AP1AR: variants seen among roughly 807,000 people sequenced by gnomAD.
AP1AR encodes adaptor related protein complex 1 associated regulatory protein.
A neutral mutation model predicts 46.3 loss-of-function variants in AP1AR; 29 were observed. The ratio of observed to expected loss-of-function variants is 0.63; its 90% CI spans 0.47 to 0.85. The LOEUF is 0.85. Among genes scored for constraint, AP1AR ranks in the 40% least tolerant of loss-of-function variants. The probability of loss-of-function intolerance (pLI) is 0.00; values close to 1 mark genes in which losing one functional copy is unlikely to be tolerated. For missense variants in AP1AR, 357 were observed against 356.3 expected (o/e 1.00, Z -0.02); for synonymous variants, 122 against 122.9 (o/e 0.99, Z 0.05).
chr4:112,269,646 C>T lies in AP1AR; in HGVS notation c.*1237C>T, dbSNP rs1467486101. 1 of 150,718 alleles carries T rather than the reference C, an allele frequency of 6.6e-6. No individual in the cohort carries two copies. Among genetic ancestry groups the T allele is most frequent in the African/African-American group, 2.4e-5 (1 of 40,930 alleles). 9.3% of individuals were successfully genotyped at this position (150,718 alleles called of 1,614,324 possible). Reference sequence around the variant, plus strand: ...AGGAAGGTCCAGATATAAATAGTAACCTAAAGTTCTTGCTGTGCTTAAAAA... The same window carrying T: ...AGGAAGGTCCAGATATAAATAGTAATCTAAAGTTCTTGCTGTGCTTAAAAA... On this transcript the variant is annotated 3_prime_UTR_variant, in exon 10 of 10. Coordinates refer to ENST00000274000, the MANE Select transcript of AP1AR (RefSeq NM_018569.6).
intron 1 of AP1AR, among the ~76,000 whole-genome samples, chr4:112,245,506 G>A (rs918447898): frequency 6.6e-6 from 1 of 152,126 alleles, no homozygotes; most frequent in Non-Finnish European, 1.5e-5. Context: ...TTTGTACTAA[G>A]TCCTCAAAAT....
At chr4:112,237,742 A>G (rs1221515970) in intron 1 of AP1AR, among the ~76,000 whole-genome samples, 1 of 152,160 alleles carries the variant, frequency 6.6e-6, no homozygotes, top group Non-Finnish European at 1.5e-5. Flanking sequence ...TACAGTTGTG[A>G]GCCACTGCGC....
At chr4:112,248,135 A>G (rs898672311) in intron 1 of AP1AR, among the ~76,000 whole-genome samples, 1 of 152,238 alleles carries the variant, frequency 6.6e-6, no homozygotes, top group Non-Finnish European at 1.5e-5. Flanking sequence ...TACCAAGAGG[A>G]AAAATATCAG....
chr4:112,261,118 C>A (rs1726423944), intron 5 of AP1AR, among the ~76,000 whole-genome samples: 2 of 152,180 alleles, frequency 1.3e-5, no homozygotes, highest in Admixed American at 6.5e-5. Flanking sequence ...AGTAGGAACT[C>A]TGGCAAGAAT....
intron 2 of AP1AR, 130 bp from the exon 3 acceptor site, chr4:112,254,617 G>A: frequency 2.0e-6 from 1 of 506,398 alleles, no homozygotes. Flanking sequence ...GTATTAAAGA[G>A]GCATTTGAAT....
Position 112,272,044 on chromosome 4 carries a change from G to C in AP1AR, c.*3635G>C, listed in dbSNP as rs532215339. On this transcript the variant is annotated 3_prime_UTR_variant, in exon 10 of 10. Transcript: ENST00000274000. ...TAGCAAATGCTTTGAAAAGAGGTCCGCTGCTTTAGTTGCATTTGGAGACAG... is the reference window on the plus strand; with the variant it reads ...TAGCAAATGCTTTGAAAAGAGGTCCCCTGCTTTAGTTGCATTTGGAGACAG... Among the ~76,000 whole-genome samples, 14 of 152,138 alleles carry C rather than the reference G, an allele frequency of 9.2e-5. No homozygotes were observed. Among genetic ancestry groups the C allele is most frequent in the Admixed American group, 8.5e-4 (13 of 15,264 alleles).
At position 112,253,264 on chromosome 4, in the gene AP1AR, G is replaced by C; in HGVS notation, c.132+8G>C. ...GAGCACTTAACAATAGAGGTAAGTAGTCCTTAATTTGATTGAATTAAAAAT... is the reference window on the plus strand; with the variant it reads ...GAGCACTTAACAATAGAGGTAAGTACTCCTTAATTTGATTGAATTAAAAAT... On this transcript the variant is annotated splice_region_variant and intron_variant, in intron 2 of 9. Coordinates refer to ENST00000274000, the MANE Select transcript of AP1AR (RefSeq NM_018569.6). 1 of 1,605,254 alleles carries C rather than the reference G, an allele frequency of 6.2e-7. No individual in the cohort carries two copies. Among genetic ancestry groups the C allele is most frequent in the South Asian group, 1.1e-5 (1 of 90,068 alleles).
At chr4:112,260,974 T>C in intron 5 of AP1AR, 112 bp downstream of exon 5, 2 of 556,778 alleles carry the variant, frequency 3.6e-6, no homozygotes, top group Non-Finnish European at 5.8e-6. Flanking sequence ...TACAGATGAA[T>C]CTGTTTTAAG....
intron 6 of AP1AR, 117 bp downstream of exon 6, chr4:112,263,203 T>C (rs1183203368): frequency 1.4e-6 from 1 of 726,960 alleles, no homozygotes; most frequent in African/African-American, 1.8e-5. Flanking sequence ...TAACAACGAA[T>C]GTGTTTACCC....
rs553972549 is a variant in AP1AR at position 112,236,692 on chromosome 4, C to T, written c.83+4518C>T. Among the ~76,000 whole-genome samples the T allele has an allele frequency of 3.9e-5, 6 of 152,260 alleles. No individual in the cohort carries two copies. The East Asian group carries it at 9.6e-4, about 24-fold the overall frequency. On this transcript the variant is annotated intron_variant, in intron 1 of 9. Transcript: ENST00000274000. The stretch of plus-strand genomic sequence containing the variant: ...CTAGAATTACAGGCACGAGCCACTG[C>T]GCCCGGCCCTAAATTTAAAAGTCTT...
At chr4:112,232,253 C>T (rs952939476) in intron 1 of AP1AR, 79 bp downstream of exon 1, 3 of 1,205,562 alleles carry the variant, frequency 2.5e-6, no homozygotes, top group African/African-American at 3.1e-5. Context: ...TTCACCGTCC[C>T]CCGGCGGCTG....
chr4:112,270,332 A>G lies in AP1AR; in HGVS notation c.*1923A>G, dbSNP rs1258169461. On this transcript the variant is annotated 3_prime_UTR_variant, in exon 10 of 10. Transcript: ENST00000274000. ...GTTAGGGACATAGAAGTACAAAGAC[A>G]TATAAGGTCTCTGCTCTTTGCTTAC... Among the ~76,000 whole-genome samples, 1 of 152,242 alleles carries G rather than the reference A, an allele frequency of 6.6e-6. No homozygotes were observed. The highest frequency in any genetic ancestry group is 1.9e-4 in the East Asian group (1 of 5,206).
At chr4:112,256,886 A>G (rs1726222040) in intron 3 of AP1AR, among the ~76,000 whole-genome samples, 1 of 152,240 alleles carries the variant, frequency 6.6e-6, no homozygotes, top group Admixed American at 6.5e-5. Flanking sequence ...ATACAAGGTT[A>G]GGTTCCTGCA....
chr4:112,241,449 T>C (rs1037317300), intron 1 of AP1AR, among the ~76,000 whole-genome samples: 2 of 152,330 alleles, frequency 1.3e-5, no homozygotes, highest in East Asian at 3.9e-4. Flanking sequence ...TCTCAGTTCA[T>C]GGGCGGAAGA....
At chr4:112,268,012 G>A (rs968815904) in intron 9 of AP1AR, 132 bp from the exon 10 acceptor site, 3 of 868,028 alleles carry the variant, frequency 3.5e-6, no homozygotes, top group South Asian at 5.2e-5. Context: ...GCCTCCATGG[G>A]ACTGGGTCTT....
chr4:112,262,524 A>T (rs1726497464), intron 5 of AP1AR, among the ~76,000 whole-genome samples: 1 of 152,218 alleles, frequency 6.6e-6, no homozygotes, highest in African/African-American at 2.4e-5. Flanking sequence ...TTTGATAGTA[A>T]TGAAATTAAG....
At chr4:112,252,807 G>A (rs905850272) in intron 1 of AP1AR, among the ~76,000 whole-genome samples, 1 of 152,056 alleles carries the variant, frequency 6.6e-6, no homozygotes, top group Non-Finnish European at 1.5e-5. Flanking sequence ...TTAATGTTCT[G>A]TGTATTTTTA....
chr4:112,241,481 T>G lies in AP1AR; in HGVS notation c.83+9307T>G, dbSNP rs144751743. On this transcript the variant is annotated intron_variant, in intron 1 of 9. Transcript: ENST00000274000. Reference sequence around the variant, plus strand: ...AAGACCAGTGTCTCAGCTCAAGCAGTCAAGTAGAGAGAATTCAATTCAACC... The same window carrying G: ...AAGACCAGTGTCTCAGCTCAAGCAGGCAAGTAGAGAGAATTCAATTCAACC... Among the ~76,000 whole-genome samples the G allele has an allele frequency of 5.6e-4, 85 of 152,314 alleles. 1 individual carries two copies. The Middle Eastern group carries it at 0.017, about 30-fold the overall frequency.
intron 6 of AP1AR, 147 bp downstream of exon 6, chr4:112,263,233 C>G (rs1578421034): frequency 1.2e-5 from 7 of 594,220 alleles, no homozygotes; most frequent in Non-Finnish European, 2.1e-5. Flanking sequence ...TAAGAATTTT[C>G]AAGGCAAATT....
Sources: allele counts gnomAD v4.1 joint callset (sites outside exome capture counted in the v4.1 genomes callset), GRCh38; gene constraint gnomAD v4.1.1; transcripts MANE v1.5; gene names NCBI Gene and HGNC (gene_info 2026-07-23, HGNC 2026-07-21).